The following SHE variants were observed in gnomAD, a reference collection of about 807,000 sequenced individuals.
SHE encodes the protein SH2 domain-containing adapter protein E.
In SHE, 11 loss-of-function variants were observed where a neutral mutation model predicts 49.8. The ratio of observed to expected loss-of-function variants is 0.22; its 90% CI spans 0.14 to 0.37. The LOEUF (loss-of-function observed/expected upper bound fraction) is 0.37, where lower values mean the gene tolerates loss of function less well. SHE is among the 10% of genes least tolerant of loss of function. The probability of loss-of-function intolerance (pLI) is 1.00; values close to 1 mark genes in which losing one functional copy is unlikely to be tolerated. For missense variants in SHE, 624 were observed against 655.5 expected, an observed-to-expected ratio of 0.95 and a Z score of 0.52; for synonymous variants, 310 against 278.1, an observed-to-expected ratio of 1.11 and a Z score of -1.14.
At chr1:154,484,562 G>C in intron 5 of SHE, 1 of 430,946 alleles carries the variant, frequency 2.3e-6, no homozygotes, top group Non-Finnish European at 4.1e-6. Context: ...TGAGTCATCA[G>C]GTAGTGGAAC....
In SHE at chr1:154,483,418, A is replaced by G. The variant is rs919773002; in HGVS notation, c.*731T>C. The G allele has an allele frequency of 2.8e-5, 28 of 985,296 alleles. No homozygotes were observed. The highest frequency in any genetic ancestry group is 3.3e-5 in the Non-Finnish European group (27 of 829,950). The allele number at this position is 985,296 out of a possible 1,614,324, so 61.0% of individuals were successfully genotyped here. On this transcript the variant is annotated 3_prime_UTR_variant, in exon 6 of 6. Transcript: ENST00000304760. Reference sequence around the variant, plus strand: ...TCATTTCCCCAATAACGAGTCCAATATAACATCCTCTTCCAGTCTGCACCA... The same window carrying G: ...TCATTTCCCCAATAACGAGTCCAATGTAACATCCTCTTCCAGTCTGCACCA...
chr1:154,486,171 G>T, intron 4 of SHE, 109 bp from the exon 5 acceptor site: 1 of 1,432,204 alleles, frequency 7.0e-7, no homozygotes, highest in Non-Finnish European at 9.6e-7. Flanking sequence ...TGGCAGAGAC[G>T]CAACAGCCTG....
At chr1:154,470,293 G>A in exon 2 of SHE, 1 of 1,288,122 alleles carries the variant, frequency 7.8e-7, no homozygotes, top group Non-Finnish European at 1.0e-6. Flanking sequence ...CTTTCTTCAT[G>A]GCATTGCTGT....
chr1:154,477,364 A>AC (rs751762069), downstream of SHE, among the ~76,000 whole-genome samples: 25 of 152,040 alleles, frequency 1.6e-4, no homozygotes, highest in Non-Finnish European at 2.8e-4. Flanking sequence ...TACCATCTTA[A>AC]CCACCTATTT....
Position 154,486,541 on chromosome 1 carries a change from G to A in SHE, c.1167C>T (p.Pro389=). 1 of 1,614,098 alleles carries A rather than the reference G, an allele frequency of 6.2e-7. No homozygotes were observed. The highest frequency in any genetic ancestry group is 1.1e-5 in the South Asian group (1 of 91,070). ...AGGAGACTCACGGCTGCTTCTCCAG[G>A]GGCAGGCCCGGGTCCACTTTCTCTC... ...SEGEKVDPGL[P]LEKQPWYHGA... The change falls in exon 4 of 6, where the codon CCC becomes CCT. Residue 389 remains proline (P), a synonymous_variant. Transcript: ENST00000304760.
chr1:154,500,336 G>A lies in SHE; in HGVS notation c.592-1098C>T, dbSNP rs144276653. ...AGGTGGACCACTGAATAACATATGA[G>A]CTGGGTCCCCGTCCATCTTTACACA... On this transcript the variant is annotated intron_variant, in intron 1 of 5. Transcript: ENST00000304760. Among the ~76,000 whole-genome samples the A allele has an allele frequency of 2.9e-3, 442 of 152,300 alleles. 4 individuals are homozygous for A. Among genetic ancestry groups the A allele is most frequent in the African/African-American group, 0.01 (426 of 41,564 alleles).
intron 5 of SHE, 181 bp from the exon 6 acceptor site, chr1:154,484,516 G>A (rs988038913): frequency 3.6e-6 from 2 of 558,478 alleles, no homozygotes; most frequent in Non-Finnish European, 3.2e-6. Flanking sequence ...CAGTCTAAAC[G>A]CATGTAATCC....
In SHE at chr1:154,501,741, C is replaced by G; in HGVS notation, c.286G>C (p.Val96Leu). ...GACAGCCGGCTGTCCTTGGGGCCGACGCCGGCCCTGCCGCTCCCCAGCTCG... is the reference window on the plus strand; with the variant it reads ...GACAGCCGGCTGTCCTTGGGGCCGAGGCCGGCCCTGCCGCTCCCCAGCTCG... Reference protein sequence around the residue: ...AAELGSGRAGVGPKDSRLSRD... With the variant: ...AAELGSGRAGLGPKDSRLSRD... The change falls in exon 1 of 6, where the codon GTC (valine) becomes CTC (leucine). Residue 96 changes from valine (V) to leucine (L), a missense_variant. Coordinates refer to ENST00000304760, the MANE Select transcript of SHE (RefSeq NM_001010846.3). 1 of 1,574,032 alleles carries G rather than the reference C, an allele frequency of 6.4e-7. No homozygotes were observed. The highest frequency in any genetic ancestry group is 1.4e-5 in the African/African-American group (1 of 73,990).
chr1:154,501,217 A>G (rs1419754066), intron 1 of SHE, among the ~76,000 whole-genome samples: 1 of 152,222 alleles, frequency 6.6e-6, no homozygotes, highest in Non-Finnish European at 1.5e-5. Context: ...TGGCTAGTAC[A>G]TTTCTGCAAA....
At chr1:154,479,382 G>T, downstream of SHE, 1 of 406,194 alleles carries the variant, frequency 2.5e-6, no homozygotes, top group Non-Finnish European at 3.3e-6. Flanking sequence ...CATTAATGGT[G>T]ACTGCAAATG....
At chr1:154,491,378 G>A (rs1444580474) in intron 2 of SHE, among the ~76,000 whole-genome samples, 1 of 152,156 alleles carries the variant, frequency 6.6e-6, no homozygotes, top group African/African-American at 2.4e-5. Context: ...GGAATTTCTG[G>A]CAGTTCCCTG....
rs1051509454 is a variant in SHE, at chr1:154,488,139, C to T, written c.1024+912G>A. Among the ~76,000 whole-genome samples the T allele has an allele frequency of 2.0e-5, 3 of 151,870 alleles. No individual in the cohort carries two copies. In the South Asian group the frequency reaches 6.2e-4, roughly 32 times the overall value. On this transcript the variant is annotated intron_variant, in intron 3 of 5. Transcript: ENST00000304760. ...TGTATTTTTAGTAAAGACGGCGTTT[C>T]ACCATGTTGGCCAGGATGGTCTCCA...
intron 2 of SHE, among the ~76,000 whole-genome samples, chr1:154,497,322 CA>C (rs1163966020): frequency 6.6e-6 from 1 of 152,208 alleles, no homozygotes; most frequent in Non-Finnish European, 1.5e-5. Context: ...ACAGAAGAGA[CA>C]AAGTCTTTCA....
In SHE at chr1:154,485,819, G is replaced by A; in HGVS notation, c.1301+124C>T. 4 of 1,170,346 alleles carry A rather than the reference G, an allele frequency of 3.4e-6. No homozygotes were observed. In the South Asian group the frequency reaches 4.8e-5, roughly 14 times the overall value. The allele number at this position is 1,170,346 out of a possible 1,614,324, so 72.5% of individuals were successfully genotyped here. A position where few individuals can be genotyped will look rare whatever the true frequency, so the allele number is the denominator to read the frequency against. On this transcript the variant is annotated intron_variant, in intron 5 of 5. Coordinates refer to ENST00000304760, the MANE Select transcript of SHE (RefSeq NM_001010846.3). ...CTCATGTTCCATTGTCCAAACAAAT[G>A]CCTCTTATTTTCTGCAATGCACACC...
At chr1:154,492,680 A>G (rs1420778179) in intron 2 of SHE, among the ~76,000 whole-genome samples, 2 of 152,230 alleles carry the variant, frequency 1.3e-5, no homozygotes, top group Non-Finnish European at 2.9e-5. Flanking sequence ...ACAAGGCTGT[A>G]ATTTTTTTAA....
intron 1 of SHE, among the ~76,000 whole-genome samples, chr1:154,499,803 T>C (rs1692650926): frequency 6.6e-6 from 1 of 152,168 alleles, no homozygotes; most frequent in African/African-American, 2.4e-5. Context: ...TAAACAGTAT[T>C]GTAGGTGTTC....
Position 154,485,974 on chromosome 1 carries a change from A to G in SHE, c.1270T>C (p.Ser424Pro). Residue 424 changes from serine to proline, a missense_variant, in exon 5 of 6, where the codon TCA (serine) becomes CCA (proline). Ser to Pro is a moderately conservative substitution (Grantham distance 74, BLOSUM62 -1). This residue lies in a region of SHE where 125 missense variants were observed against 181.7 expected (regional missense o/e 0.69). Transcript: ENST00000304760. ...GCAATGGAGTACCTGCTGTTCCCTG[A>G]CTCACTATTTCGAACCAGGTAACCA... ...EAGYLVRNSE[S>P]GNSRYSIALK... The G allele has an allele frequency of 6.2e-7, 1 of 1,614,034 alleles. No homozygotes were observed. The highest frequency in any genetic ancestry group is 8.5e-7 in the Non-Finnish European group (1 of 1,179,968).
chr1:154,497,660 T>C (rs557276365), intron 2 of SHE, among the ~76,000 whole-genome samples: 1 of 152,256 alleles, frequency 6.6e-6, no homozygotes, highest in Admixed American at 6.5e-5. Context: ...TGGCTTGGTT[T>C]ACACAGCAAT....
At chr1:154,487,578 A>G (rs1430546876) in intron 3 of SHE, among the ~76,000 whole-genome samples, 1 of 151,792 alleles carries the variant, frequency 6.6e-6, no homozygotes, top group Non-Finnish European at 1.5e-5. Flanking sequence ...CAGGCTGGGC[A>G]TGGTAGCTCT....
Sources: allele counts gnomAD v4.1 joint callset (sites outside exome capture counted in the v4.1 genomes callset), GRCh38; gene constraint gnomAD v4.1.1; regional missense constraint gnomAD v4.1.1; transcripts MANE v1.5; gene names NCBI Gene and HGNC (gene_info 2026-07-23, HGNC 2026-07-21).